The following DESI2 variants were observed in gnomAD, a reference collection of about 807,000 sequenced individuals.
The protein encoded by DESI2 is desumoylating isopeptidase 2.
DESI2 carries 10 observed loss-of-function variants against 24.1 expected under a neutral mutation model. The observed-to-expected ratio is 0.41, with a 90% confidence interval of 0.26 to 0.70. The LOEUF is 0.70. DESI2 is among the 30% of genes least tolerant of loss of function. DESI2 has a pLI of 0.29. For missense variants in DESI2, 122 were observed against 234.9 expected (o/e 0.52, Z 3.14); for synonymous variants, 71 against 87.7 (o/e 0.81, Z 1.06).
intron 3 of DESI2, among the ~76,000 whole-genome samples, chr1:244,691,158 G>A (rs888877584): frequency 1.8e-4 from 27 of 152,104 alleles, no homozygotes; most frequent in African/African-American, 6.3e-4. Context: ...GTACGATCTC[G>A]GCTCACTGCA....
chr1:244,699,616 A>T (rs954955317), intron 4 of DESI2, among the ~76,000 whole-genome samples: 4 of 122,816 alleles, frequency 3.3e-5, no homozygotes, highest in Admixed American at 8.5e-5. Flanking sequence ...AAAAAAAAAA[A>T]TTCTGTGAAA....
At chr1:244,702,209 C>CA (rs1259971653) in intron 4 of DESI2, among the ~76,000 whole-genome samples, 2 of 152,134 alleles carry the variant, frequency 1.3e-5, no homozygotes, top group African/African-American at 2.4e-5. Context: ...GGTCATGACT[C>CA]AAAGTTTTAA....
At chr1:244,678,780 G>T (rs772481888) in intron 1 of DESI2, among the ~76,000 whole-genome samples, 16 of 152,184 alleles carry the variant, frequency 1.1e-4, no homozygotes, top group Non-Finnish European at 1.9e-4. Context: ...AAGCTGTGCT[G>T]CAAGAAGAGA....
intron 3 of DESI2, among the ~76,000 whole-genome samples, chr1:244,690,708 CAAA>C (rs34260121): frequency 1.3e-4 from 9 of 70,346 alleles, no homozygotes; most frequent in Non-Finnish European, 1.9e-4. Context: ...TCCGTCTCAC[CAAA>C]AAAAAAAAAA....
chr1:244,661,535 A>T (rs1321014284), intron 1 of DESI2, among the ~76,000 whole-genome samples: 3 of 152,000 alleles, frequency 2.0e-5, no homozygotes, highest in South Asian at 2.1e-4. Context: ...CATTAGGTAT[A>T]TCTCCTAATG....
rs1462641483 is a variant in DESI2, at chr1:244,706,977, TA to T, written c.*1191del. The stretch of plus-strand genomic sequence containing the variant: ...CTAAGAATGAAACTGTCACCACAGG[TA>T]AATCCTTGTTAGCAAGGAATCTGTC... On this transcript the variant is annotated 3_prime_UTR_variant, in exon 5 of 5. Coordinates refer to ENST00000302550, the MANE Select transcript of DESI2 (RefSeq NM_016076.5). The T allele has an allele frequency of 6.6e-6, 1 of 152,646 alleles. No individual in the cohort carries two copies. Among genetic ancestry groups the T allele is most frequent in the African/African-American group, 2.4e-5 (1 of 41,460 alleles). The allele number at this position is 152,646 out of a possible 1,614,324, so 9.5% of individuals were successfully genotyped here. A position where few individuals can be genotyped will look rare whatever the true frequency, so the allele number is the denominator to read the frequency against.
intron 1 of DESI2, among the ~76,000 whole-genome samples, chr1:244,686,057 A>C (rs1676804567): frequency 6.6e-6 from 1 of 152,212 alleles, no homozygotes; most frequent in South Asian, 2.1e-4. Context: ...AGAAGTAAGA[A>C]TGTTGTTCTA....
chr1:244,660,552 A>G (rs1675807292), intron 1 of DESI2, among the ~76,000 whole-genome samples: 1 of 152,256 alleles, frequency 6.6e-6, no homozygotes. Flanking sequence ...CCAAAGCAAC[A>G]TTATTGTGTA....
At position 244,680,020 on chromosome 1, in the gene DESI2, CT is replaced by C. The variant is rs147614472; in HGVS notation, c.43-6561del. Among the ~76,000 whole-genome samples the C allele has an allele frequency of 8.7e-3, 711 of 81,770 alleles. 5 individuals carry two copies. The highest frequency in any genetic ancestry group is 0.021 in the African/African-American group (617 of 28,932). 53.6% of individuals were successfully genotyped at this position (81,770 alleles called of 152,430 possible). A position where few individuals can be genotyped will look rare whatever the true frequency, so the allele number is the denominator to read the frequency against. On this transcript the variant is annotated intron_variant, in intron 1 of 4. Transcript: ENST00000302550. ...TGTTCCAATAATGGTTCTTTTTAGC[CT>C]TTTTTTTTTTTTTTTAAACAAAAAA... is the stretch of plus-strand genomic sequence containing the variant.
At chr1:244,693,886 T>TA (rs1475875408) in intron 4 of DESI2, among the ~76,000 whole-genome samples, 3 of 152,350 alleles carry the variant, frequency 2.0e-5, no homozygotes, top group Admixed American at 2.0e-4. Context: ...TAAATGGAAA[T>TA]ACCAGCTCTT....
At position 244,708,134 on chromosome 1, in the gene DESI2, C is replaced by T. The variant is rs1438149868; in HGVS notation, c.*2345C>T. On this transcript the variant is annotated 3_prime_UTR_variant, in exon 5 of 5. Transcript: ENST00000302550. The stretch of plus-strand genomic sequence containing the variant: ...CTTGGAGAAAAAGAATCATTCTCAA[C>T]CTGATAATCTGTTAAGAAAAATCCC... The T allele has an allele frequency of 6.6e-6, 1 of 152,180 alleles. No homozygotes were observed. Among genetic ancestry groups the T allele is most frequent in the Non-Finnish European group, 1.5e-5 (1 of 68,040 alleles). The allele number at this position is 152,180 out of a possible 1,614,324, so 9.4% of individuals were successfully genotyped here.
At chr1:244,692,107 C>A in intron 4 of DESI2, 87 bp downstream of exon 4, 1 of 1,185,590 alleles carries the variant, frequency 8.4e-7, no homozygotes, top group Non-Finnish European at 1.2e-6. Context: ...GATCTTGATT[C>A]ACTTCTTTTC....
intron 1 of DESI2, among the ~76,000 whole-genome samples, chr1:244,666,045 C>T (rs1676032851): frequency 6.6e-6 from 1 of 152,124 alleles, no homozygotes; most frequent in South Asian, 2.1e-4. Context: ...CCAAGAGGGC[C>T]CTAAATACTG....
rs1289005909 is a variant in DESI2, at chr1:244,689,591, C to T, written c.209+249C>T. On this transcript the variant is annotated intron_variant, in intron 3 of 4. Transcript: ENST00000302550. The surrounding 1 kb of genome is among the most constrained non-coding windows in gnomAD (Gnocchi z 4.0). ...GTGGCGTGATCTCAGCTCACTGCAG[C>T]GTCCGCCTTCTAGGTTCAAGCGATT... 6.6e-6 allele frequency among the ~76,000 whole-genome samples: 1 copy of T among 152,148 alleles called. No individual in the cohort carries two copies. Among genetic ancestry groups the T allele is most frequent in the Middle Eastern group, 3.4e-3 (1 of 292 alleles).
At position 244,659,203 on chromosome 1, in the gene DESI2, T is replaced by C. The variant is rs920546419; in HGVS notation, c.42+5848T>C. ...TTTTCTTTTTTAGGGGGGAAGGGGG[T>C]GGGGGAAGCTAGTATGTATGAGAAA... On this transcript the variant is annotated intron_variant, in intron 1 of 4. Coordinates refer to ENST00000302550, the MANE Select transcript of DESI2 (RefSeq NM_016076.5). Among the ~76,000 whole-genome samples the C allele has an allele frequency of 5.5e-5, 8 of 145,076 alleles. No individual in the cohort carries two copies. In the Admixed American group the frequency reaches 5.6e-4, roughly 10 times the overall value.
At chr1:244,673,219 C>T (rs947145294) in intron 1 of DESI2, among the ~76,000 whole-genome samples, 2 of 152,154 alleles carry the variant, frequency 1.3e-5, no homozygotes, top group African/African-American at 4.8e-5. Flanking sequence ...AATAATAGAT[C>T]TAGGAAGCCC....
chr1:244,663,808 G>A (rs1675939357), intron 1 of DESI2, among the ~76,000 whole-genome samples: 2 of 151,752 alleles, frequency 1.3e-5, no homozygotes, highest in Non-Finnish European at 1.5e-5. Flanking sequence ...CATGAGGTCA[G>A]GAGATCGAGA....
At chr1:244,688,278 C>T (rs2813919) in intron 2 of DESI2, among the ~76,000 whole-genome samples, 149,161 of 152,312 alleles carry the variant, frequency 0.98, 73,111 homozygotes, top group East Asian at 1. Context: ...AATCTTATCC[C>T]TTCCAACCTG....
intron 1 of DESI2, among the ~76,000 whole-genome samples, chr1:244,658,176 C>T (rs1675712266): frequency 6.6e-6 from 1 of 152,184 alleles, no homozygotes. Context: ...AATCCTTCCT[C>T]CATTCTGTTA....
Sources: gnomAD v4.1 joint callset for allele counts (sites outside exome capture counted in the v4.1 genomes callset) on GRCh38, gnomAD v4.1.1 for gene constraint, Gnocchi (gnomAD v3.1) non-coding constraint, MANE v1.5 for transcripts, NCBI Gene and HGNC (gene_info 2026-07-23, HGNC 2026-07-21) for gene names.